TMEM131L: variants seen among roughly 807,000 people sequenced by gnomAD.
TMEM131L encodes transmembrane 131 like.
A neutral mutation model predicts 192.2 loss-of-function variants in TMEM131L; 54 were observed. The observed-to-expected ratio is 0.28, with a 90% CI of 0.23 to 0.35. The LOEUF (loss-of-function observed/expected upper bound fraction) is 0.35. TMEM131L is among the 10% of genes least tolerant of loss of function. The pLI, the probability that TMEM131L is intolerant of heterozygous loss-of-function variation, is 1.00. For synonymous variants in TMEM131L, 701 were observed against 704.9 expected (o/e 0.99, Z 0.09); for missense variants, 1,888 against 1,972.9 (o/e 0.96, Z 0.82).
Position 153,508,308 on chromosome 4 carries a change from G to T in TMEM131L, c.239+34420G>T, listed in dbSNP as rs1734121335. On this transcript the variant is annotated intron_variant, in intron 3 of 34. Transcript: ENST00000409959. ...TATTTTTATAGTCTTAAAAAAGATT[G>T]CTCTAAAGTTTGAGCCAGGATGACC... 7.2e-5 allele frequency among the ~76,000 whole-genome samples: 11 copies of T among 152,124 alleles called. No homozygotes were observed. In the South Asian group the frequency reaches 2.3e-3, roughly 32 times the overall value.
chr4:153,547,408 C>T (rs1737262901), intron 3 of TMEM131L, among the ~76,000 whole-genome samples: 1 of 152,148 alleles, frequency 6.6e-6, no homozygotes, highest in Non-Finnish European at 1.5e-5. Flanking sequence ...TTCCAGAGGT[C>T]GATATTGACT....
chr4:153,623,202 C>T (rs1434705343), intron 29 of TMEM131L, 119 bp downstream of exon 29: 2 of 882,422 alleles, frequency 2.3e-6, no homozygotes, highest in East Asian at 6.0e-5. Context: ...GGGACAGTGG[C>T]CTTGACCTTT....
At chr4:153,496,928 A>C (rs1733214923) in intron 3 of TMEM131L, among the ~76,000 whole-genome samples, 1 of 151,258 alleles carries the variant, frequency 6.6e-6, no homozygotes, top group African/African-American at 2.4e-5. Context: ...TGGCACGATC[A>C]TGGTTCACTT....
intron 7 of TMEM131L, among the ~76,000 whole-genome samples, chr4:153,577,556 A>T (rs1730040365): frequency 6.6e-6 from 1 of 152,214 alleles, no homozygotes. Flanking sequence ...AGGAACGGGC[A>T]TGGCTGTGTT....
At chr4:153,498,793 G>A (rs1031859469) in intron 3 of TMEM131L, among the ~76,000 whole-genome samples, 10 of 152,210 alleles carry the variant, frequency 6.6e-5, no homozygotes, top group African/African-American at 1.4e-4. Context: ...GCTGGAAATT[G>A]AGAAGCTGCC....
chr4:153,587,938 A>C, intron 15 of TMEM131L, 127 bp downstream of exon 15: 1 of 728,802 alleles, frequency 1.4e-6, no homozygotes, highest in Non-Finnish European at 2.4e-6. Flanking sequence ...AGAGAGGATG[A>C]TCATTAACAG....
chr4:153,495,451 G>T (rs1320915815), intron 3 of TMEM131L, among the ~76,000 whole-genome samples: 1 of 152,172 alleles, frequency 6.6e-6, no homozygotes, highest in Non-Finnish European at 1.5e-5. Context: ...GGAGACATGA[G>T]ACATCAATGA....
At chr4:153,484,234 A>G (rs560380726) in intron 3 of TMEM131L, among the ~76,000 whole-genome samples, 2 of 152,298 alleles carry the variant, frequency 1.3e-5, no homozygotes, top group Admixed American at 6.5e-5. Context: ...CAATTAAACA[A>G]AAGAATGTTA....
At chr4:153,516,992 A>C (rs1443212478) in intron 3 of TMEM131L, among the ~76,000 whole-genome samples, 2 of 151,800 alleles carry the variant, frequency 1.3e-5, no homozygotes, top group African/African-American at 4.8e-5. Flanking sequence ...ATGCCTGGCT[A>C]ATTTTTGTAT....
At chr4:153,631,040 C>G (rs1411482735) in intron 31 of TMEM131L, among the ~76,000 whole-genome samples, 1 of 152,250 alleles carries the variant, frequency 6.6e-6, no homozygotes, top group African/African-American at 2.4e-5. Context: ...TTGTTTACAC[C>G]TAGCAGGGTT....
chr4:153,626,285 T>G (rs1733838905), intron 30 of TMEM131L, 60 bp downstream of exon 30: 1 of 1,072,488 alleles, frequency 9.3e-7, no homozygotes. Flanking sequence ...TTCTACCAAT[T>G]ATTGTGTTTC....
intron 3 of TMEM131L, among the ~76,000 whole-genome samples, chr4:153,514,537 A>T (rs1447520424): frequency 6.6e-6 from 1 of 152,214 alleles, no homozygotes; most frequent in African/African-American, 2.4e-5. Flanking sequence ...TTCTCTTTAA[A>T]GCCCTCTACA....
At chr4:153,489,560 C>A (rs1350963439) in intron 3 of TMEM131L, among the ~76,000 whole-genome samples, 1 of 152,148 alleles carries the variant, frequency 6.6e-6, no homozygotes, top group Admixed American at 6.5e-5. Context: ...TCACTGCAAC[C>A]TCTGCCTTCC....
intron 3 of TMEM131L, among the ~76,000 whole-genome samples, chr4:153,476,165 G>A (rs1731523157): frequency 6.6e-6 from 1 of 152,042 alleles, no homozygotes; most frequent in Non-Finnish European, 1.5e-5. Context: ...CACCATGTTG[G>A]CCAGGCTGGT....
chr4:153,473,904 G>A lies in TMEM131L; in HGVS notation c.239+16G>A. On this transcript the variant is annotated intron_variant, in intron 3 of 34. Coordinates refer to ENST00000409959, the MANE Select transcript of TMEM131L (RefSeq NM_001131007.2). ...AAGAACAGAGGTAAGGAAAAAATGG[G>A]GGTGGAAACCTGCATGCTGAATGTC... The A allele has an allele frequency of 6.5e-7, 1 of 1,540,302 alleles. No individual in the cohort carries two copies. The highest frequency in any genetic ancestry group is 2.0e-5 in the Admixed American group (1 of 49,960).
intron 20 of TMEM131L, among the ~76,000 whole-genome samples, chr4:153,598,029 T>C (rs1433067709): frequency 6.6e-6 from 1 of 151,296 alleles, no homozygotes; most frequent in African/African-American, 2.4e-5. Context: ...TGAATTACTA[T>C]TTGATAAAAA....
intron 3 of TMEM131L, among the ~76,000 whole-genome samples, chr4:153,480,959 C>G (rs1042150439): frequency 1.3e-5 from 2 of 152,164 alleles, no homozygotes; most frequent in South Asian, 2.1e-4. Flanking sequence ...TCCTGTTCTC[C>G]TCACGTCCAT....
At chr4:153,612,171 A>T in intron 25 of TMEM131L, 81 bp from the exon 26 acceptor site, 1 of 990,544 alleles carries the variant, frequency 1.0e-6, no homozygotes, top group Non-Finnish European at 1.4e-6. Context: ...AAGTCAAATT[A>T]GATGTTTGGT....
rs779317468 is a variant in TMEM131L at position 153,592,513 on chromosome 4, G to A, written c.1851G>A (p.Pro617=). 31 of 1,613,908 alleles carry A rather than the reference G, an allele frequency of 1.9e-5. No individual in the cohort carries two copies. Among genetic ancestry groups the A allele is most frequent in the East Asian group, 8.9e-5 (4 of 44,892 alleles). ...YFVVQNPSSW[P]VSLQLLPLSL... ...TGGTGCAGAACCCGTCCTCTTGGCC[G>A]GTCTCCTTGCAGCTCCTGCCTCTCT... Residue 617 remains proline, a synonymous_variant, in exon 18 of 35, where the codon CCG becomes CCA. Transcript: ENST00000409959.
Sources: allele counts gnomAD v4.1 joint callset (sites outside exome capture counted in the v4.1 genomes callset), GRCh38; gene constraint gnomAD v4.1.1; transcripts MANE v1.5; gene names NCBI Gene and HGNC (gene_info 2026-07-23, HGNC 2026-07-21).